MECR: variants seen among roughly 807,000 people sequenced by gnomAD.
The protein encoded by MECR is enoyl-[acyl-carrier-protein] reductase, mitochondrial.
Under a neutral mutation model 49.1 loss-of-function variants are expected in MECR, and 37 were observed. The ratio of observed to expected loss-of-function variants is 0.75; its 90% confidence interval spans 0.58 to 0.99. The LOEUF (loss-of-function observed/expected upper bound fraction) is 0.99, where lower values mean the gene tolerates loss of function less well. Among genes scored for constraint, MECR ranks in the 50% least tolerant of loss-of-function variants. The pLI is 0.00. For synonymous variants in MECR, 198 were observed against 191.1 expected (o/e 1.04, Z -0.30); for missense variants, 470 against 479.6 (o/e 0.98, Z 0.19).
At chr1:29,175,197 G>C in the MECR span, among the ~76,000 whole-genome samples, 1 of 151,560 alleles carries the variant, frequency 6.6e-6, no homozygotes, top group Non-Finnish European at 1.5e-5. Context: ...AGATCACTTT[G>C]AGGTCAGGAG....
At chr1:29,177,684 T>C in the MECR span, among the ~76,000 whole-genome samples, 1 of 152,146 alleles carries the variant, frequency 6.6e-6, no homozygotes, top group Admixed American at 6.6e-5. Flanking sequence ...GTTGTATTTG[T>C]GGTCCCAAAC....
chr1:29,178,639 C>G, the MECR span, among the ~76,000 whole-genome samples: 2 of 152,094 alleles, frequency 1.3e-5, no homozygotes, highest in Admixed American at 1.3e-4. Flanking sequence ...TACAGGCCAC[C>G]GCGCCCGGCC....
At chr1:29,195,283 G>A (rs894158760) in intron 9 of MECR, among the ~76,000 whole-genome samples, 2 of 152,178 alleles carry the variant, frequency 1.3e-5, no homozygotes, top group Non-Finnish European at 2.9e-5. Flanking sequence ...CTAGTTGCAC[G>A]TGTGATTTTC....
downstream of MECR, among the ~76,000 whole-genome samples, chr1:29,188,532 ATAGG>A (rs1673069378): frequency 6.6e-6 from 1 of 152,132 alleles, no homozygotes; most frequent in Non-Finnish European, 1.5e-5. Flanking sequence ...GGCAGCAACT[ATAGG>A]TAGTCACTGG....
the MECR span, among the ~76,000 whole-genome samples, chr1:29,175,694 C>CA: frequency 0.14 from 5,364 of 38,496 alleles, 1,396 homozygotes; most frequent in African/African-American, 0.31. Flanking sequence ...GACGCTGTCT[C>CA]AAAAAAAAAA....
the MECR span, among the ~76,000 whole-genome samples, chr1:29,185,215 C>T: frequency 6.6e-6 from 1 of 152,160 alleles, no homozygotes; most frequent in Non-Finnish European, 1.5e-5. Flanking sequence ...CCACTGCACC[C>T]AACCTCCTAT....
intron 3 of MECR, among the ~76,000 whole-genome samples, chr1:29,207,739 CA>C (rs1456300078): frequency 2.0e-5 from 3 of 151,968 alleles, no homozygotes; most frequent in Admixed American, 1.3e-4. Context: ...GAACCTGTCT[CA>C]AAAAAACCCA....
At chr1:29,206,466 C>T (rs1676593022) in intron 4 of MECR, among the ~76,000 whole-genome samples, 1 of 152,160 alleles carries the variant, frequency 6.6e-6, no homozygotes, top group Non-Finnish European at 1.5e-5. Flanking sequence ...CTTTGTATCC[C>T]AGAGCTTAGC....
chr1:29,216,950 CA>C, intron 1 of MECR: 1 of 524,142 alleles, frequency 1.9e-6, no homozygotes, highest in South Asian at 2.8e-5. Context: ...GCCTGGCCAA[CA>C]TGGTGAAAAC....
chr1:29,220,887 A>G (rs1680604326), intron 1 of MECR: 1 of 984,614 alleles, frequency 1.0e-6, no homozygotes, highest in African/African-American at 1.7e-5. Flanking sequence ...AGGAATATCC[A>G]AGGAAACCTC....
intron 1 of MECR, chr1:29,221,011 C>T (rs907621284): frequency 7.4e-6 from 5 of 674,222 alleles, no homozygotes; most frequent in Non-Finnish European, 9.2e-6. Flanking sequence ...TATGGACAGT[C>T]GAAGTATCAG....
At chr1:29,180,812 T>C in the MECR span, among the ~76,000 whole-genome samples, 1 of 152,224 alleles carries the variant, frequency 6.6e-6, no homozygotes, top group African/African-American at 2.4e-5. Flanking sequence ...TTTGCCGAAG[T>C]AGATTAAGAA....
chr1:29,215,383 G>A (rs1012579906), intron 3 of MECR, among the ~76,000 whole-genome samples: 1 of 152,010 alleles, frequency 6.6e-6, no homozygotes, highest in African/African-American at 2.4e-5. Flanking sequence ...TTTGAGACCA[G>A]CCTGGTCAAC....
chr1:29,181,543 A>G, the MECR span: 36 of 1,028,058 alleles, frequency 3.5e-5, no homozygotes, highest in Non-Finnish European at 4.2e-5. Context: ...CCAGGCCGGT[A>G]GCCGCTCCGC....
chr1:29,218,975 A>G (rs1294305016), intron 1 of MECR, among the ~76,000 whole-genome samples: 1 of 152,156 alleles, frequency 6.6e-6, no homozygotes, highest in East Asian at 1.9e-4. Context: ...TATGGCCACT[A>G]CAAAGTAGCA....
chr1:29,188,696 A>G (rs1429627471), downstream of MECR, among the ~76,000 whole-genome samples: 2 of 149,972 alleles, frequency 1.3e-5, no homozygotes, highest in Non-Finnish European at 3.0e-5. Flanking sequence ...ATGGAGTGCT[A>G]TGGCGCGATC....
rs912535285 is a variant in MECR at position 29,206,676 on chromosome 1, C to A, written c.550+86G>T. 4 of 1,507,706 alleles carry A rather than the reference C, an allele frequency of 2.7e-6. No homozygotes were observed. In the East Asian group the frequency reaches 9.2e-5, roughly 35 times the overall value. 93.4% of individuals were successfully genotyped at this position (1,507,706 alleles called of 1,614,324 possible). ...TCACCCCCTCAAAACCTCCACCTTG[C>A]AAGTTCTCCTGGCCTTGGGGTCAGG... On this transcript the variant is annotated intron_variant, in intron 4 of 9. Coordinates refer to ENST00000263702, the MANE Select transcript of MECR (RefSeq NM_016011.5).
At chr1:29,190,448 TGGAAGG>T (rs1673100289), downstream of MECR, among the ~76,000 whole-genome samples, 1 of 146,538 alleles carries the variant, frequency 6.8e-6, no homozygotes, top group African/African-American at 2.5e-5. Context: ...ATAAGGAGGG[TGGAAGG>T]GGAAGGGGAA....
chr1:29,221,957 A>G (rs1314143453), intron 1 of MECR, among the ~76,000 whole-genome samples: 1 of 152,216 alleles, frequency 6.6e-6, no homozygotes. Flanking sequence ...TTTAATGGAA[A>G]GGAAACTGAG....
Sources: allele counts gnomAD v4.1 joint callset (sites outside exome capture counted in the v4.1 genomes callset), GRCh38; gene constraint gnomAD v4.1.1; transcripts MANE v1.5; gene names NCBI Gene and HGNC (gene_info 2026-07-23, HGNC 2026-07-21).